Variants in CTNNA2 observed in about 807,000 individuals in gnomAD.
CTNNA2 encodes catenin alpha-2.
A neutral mutation model predicts 101.0 loss-of-function variants in CTNNA2; 42 were observed. The observed-to-expected ratio is 0.42, with a 90% CI of 0.32 to 0.54. The LOEUF is 0.54. Ranked by LOEUF, CTNNA2 falls within the 20% of genes least tolerant of loss-of-function variation. CTNNA2 has a pLI of 0.14. For missense variants in CTNNA2, 871 were observed against 1,223.1 expected (o/e 0.71, Z 4.29); for synonymous variants, 450 against 456.4 (o/e 0.99, Z 0.18).
chr2:80,131,493 C>A (rs1274585272), intron 7 of CTNNA2, among the ~76,000 whole-genome samples: 1 of 152,158 alleles, frequency 6.6e-6, no homozygotes, highest in Non-Finnish European at 1.5e-5. Flanking sequence ...GTATAAAATT[C>A]TATCTATTTC....
chr2:80,158,062 T>A (rs1313059943), intron 7 of CTNNA2, among the ~76,000 whole-genome samples: 1 of 152,226 alleles, frequency 6.6e-6, no homozygotes, highest in Non-Finnish European at 1.5e-5. Flanking sequence ...AGCAACTTAA[T>A]TTTTAAAAAA....
At chr2:80,263,069 G>A (rs1278655546) in intron 7 of CTNNA2, among the ~76,000 whole-genome samples, 1 of 152,112 alleles carries the variant, frequency 6.6e-6, no homozygotes, top group Non-Finnish European at 1.5e-5. Context: ...TTTTAACTGA[G>A]TGTATGTGAT....
At chr2:79,908,850 A>T (rs943473728) in intron 6 of CTNNA2, among the ~76,000 whole-genome samples, 1 of 152,082 alleles carries the variant, frequency 6.6e-6, no homozygotes, top group Non-Finnish European at 1.5e-5. Flanking sequence ...ATTTCCATCT[A>T]CCTCGGGGCA....
chr2:80,331,021 G>GTT (rs34091714), intron 7 of CTNNA2, among the ~76,000 whole-genome samples: 11 of 139,676 alleles, frequency 7.9e-5, no homozygotes, highest in Non-Finnish European at 4.8e-5. Context: ...TAAACTGTAT[G>GTT]TTTTTTTTTT....
intron 1 of CTNNA2, among the ~76,000 whole-genome samples, chr2:79,570,117 C>T (rs1463696872): frequency 3.3e-5 from 5 of 152,078 alleles, no homozygotes; most frequent in Admixed American, 2.0e-4. Flanking sequence ...ATTGCAATTA[C>T]GGTAGATGGA....
chr2:79,622,133 C>G (rs1351837653), intron 1 of CTNNA2, among the ~76,000 whole-genome samples: 1 of 152,168 alleles, frequency 6.6e-6, no homozygotes, highest in Non-Finnish European at 1.5e-5. Flanking sequence ...AAAATGGCTC[C>G]TTAAGAATGG....
chr2:79,512,965 C>G (rs1438463707), upstream of CTNNA2: 4 of 151,832 alleles, frequency 2.6e-5, no homozygotes, highest in Non-Finnish European at 5.9e-5. Context: ...GCCGCTCGCG[C>G]TTGGGCAGGA....
At chr2:79,964,877 G>A (rs1458280445) in intron 7 of CTNNA2, among the ~76,000 whole-genome samples, 1 of 152,058 alleles carries the variant, frequency 6.6e-6, no homozygotes, top group Admixed American at 6.6e-5. Context: ...CCTTTTTCCA[G>A]TTTCTCTAAG....
chr2:80,474,547 A>AT (rs1242119764), intron 9 of CTNNA2, among the ~76,000 whole-genome samples: 1 of 152,190 alleles, frequency 6.6e-6, no homozygotes, highest in African/African-American at 2.4e-5. Flanking sequence ...AACATAGCTT[A>AT]TACTGTTACA....
At chr2:79,620,601 A>G (rs956029140) in intron 1 of CTNNA2, among the ~76,000 whole-genome samples, 4 of 152,202 alleles carry the variant, frequency 2.6e-5, no homozygotes, top group African/African-American at 9.6e-5. Context: ...AGTAAATAGG[A>G]CAGAAATAGA....
At chr2:79,476,934 T>C (rs1382913748) in intron 4 of CTNNA2, among the ~76,000 whole-genome samples, 1 of 152,088 alleles carries the variant, frequency 6.6e-6, no homozygotes, top group Non-Finnish European at 1.5e-5. Context: ...TTCCATGTCT[T>C]TACTTTCTAA....
chr2:79,883,470 A>G (rs1380344445), intron 6 of CTNNA2, among the ~76,000 whole-genome samples: 1 of 152,220 alleles, frequency 6.6e-6, no homozygotes, highest in East Asian at 1.9e-4. Flanking sequence ...TATAACAGTA[A>G]AAAGTAAAAT....
At chr2:80,281,886 T>G (rs1162230232) in intron 7 of CTNNA2, among the ~76,000 whole-genome samples, 1 of 152,090 alleles carries the variant, frequency 6.6e-6, no homozygotes, top group Non-Finnish European at 1.5e-5. Context: ...CTTTTCAACA[T>G]TTGAATGGAA....
intron 7 of CTNNA2, among the ~76,000 whole-genome samples, chr2:80,049,026 C>A (rs1195107325): frequency 6.6e-6 from 1 of 151,986 alleles, no homozygotes; most frequent in Non-Finnish European, 1.5e-5. Context: ...AGTCTAGGGG[C>A]AAAGAGGAGG....
chr2:79,238,734 GT>G, intron 2 of CTNNA2, among the ~76,000 whole-genome samples: 1 of 152,262 alleles, frequency 6.6e-6, no homozygotes, highest in East Asian at 1.9e-4. Flanking sequence ...TTAATGTAGT[GT>G]TTTAAGATTA....
chr2:80,399,872 C>A (rs1248591055), intron 8 of CTNNA2, among the ~76,000 whole-genome samples: 1 of 152,180 alleles, frequency 6.6e-6, no homozygotes, highest in East Asian at 1.9e-4. Context: ...ATATTTTCAA[C>A]CATGGTGACT....
At chr2:80,446,272 A>G (rs931997437) in intron 9 of CTNNA2, among the ~76,000 whole-genome samples, 1 of 152,178 alleles carries the variant, frequency 6.6e-6, no homozygotes, top group Non-Finnish European at 1.5e-5. Context: ...AGACTAATTC[A>G]TTATGCCCCA....
At chr2:80,509,760 G>T (rs1357263529) in intron 9 of CTNNA2, among the ~76,000 whole-genome samples, 1 of 152,116 alleles carries the variant, frequency 6.6e-6, no homozygotes, top group Non-Finnish European at 1.5e-5. Context: ...TACAGTACAT[G>T]CTGAACCAAA....
chr2:80,131,020 A>C (rs1264198385), intron 7 of CTNNA2, among the ~76,000 whole-genome samples: 1 of 151,292 alleles, frequency 6.6e-6, no homozygotes, highest in Non-Finnish European at 1.5e-5. Context: ...GGTTTAGTTC[A>C]TTTTATTGTA....
Sources: allele counts gnomAD v4.1 joint callset (sites outside exome capture counted in the v4.1 genomes callset), GRCh38; gene constraint gnomAD v4.1.1; transcripts MANE v1.5; gene names NCBI Gene and HGNC (gene_info 2026-07-23, HGNC 2026-07-21).